Variants in ABCC9 observed in about 807,000 individuals in gnomAD.
ABCC9 encodes ATP binding cassette subfamily C member 9.
A neutral mutation model predicts 188.3 loss-of-function variants in ABCC9; 95 were observed. The observed-to-expected ratio is 0.50, with a 90% CI of 0.43 to 0.60. The LOEUF is 0.60. Among genes scored for constraint, ABCC9 ranks in the 20% least tolerant of loss-of-function variants. The probability of loss-of-function intolerance (pLI) is 0.00; values close to 1 mark genes in which losing one functional copy is unlikely to be tolerated. For missense variants in ABCC9, 1,102 were observed against 1,876.3 expected (o/e 0.59, Z 7.62); for synonymous variants, 659 against 652.7 (o/e 1.01, Z -0.15).
At chr12:21,815,292 T>C (rs2137170045) in intron 34 of ABCC9, among the ~76,000 whole-genome samples, 1 of 151,900 alleles carries the variant, frequency 6.6e-6, no homozygotes, top group African/African-American at 2.4e-5. Flanking sequence ...CATGGTTTTT[T>C]TTTTTTTTTG....
chr12:21,875,647 C>T lies in ABCC9; in HGVS notation c.2092+7G>A, dbSNP rs1946303525. On this transcript the variant is annotated splice_region_variant and intron_variant, in intron 17 of 39. Coordinates refer to ENST00000261200, the MANE Select transcript of ABCC9 (RefSeq NM_020297.4). ...AATTACAAAAATGCATAACAGATAA[C>T]TCTTACCTGTTGGAATTCGAATATC... is the stretch of plus-strand genomic sequence containing the variant. The T allele has an allele frequency of 1.3e-6, 2 of 1,592,034 alleles. No individual in the cohort carries two copies. Among genetic ancestry groups the T allele is most frequent in the African/African-American group, 1.3e-5 (1 of 74,466 alleles).
Position 21,797,848 on chromosome 12 carries a change from C to T in ABCC9, c.*3196G>A, listed in dbSNP as rs760914059. On this transcript the variant is annotated 3_prime_UTR_variant, in exon 40 of 40. Transcript: ENST00000261200. ...ATAATGCTTTATGCATTTATTGCTT[C>T]TTATGAGATTAAGGAGTTATGATTT... The T allele has an allele frequency of 1.3e-5, 2 of 151,956 alleles. No individual in the cohort carries two copies. Among genetic ancestry groups the T allele is most frequent in the African/African-American group, 4.8e-5 (2 of 41,372 alleles). The allele number at this position is 151,956 out of a possible 1,614,324, so 9.4% of individuals were successfully genotyped here. A position where few individuals can be genotyped will look rare whatever the true frequency, so the allele number is the denominator to read the frequency against.
chr12:21,895,128 T>G (rs972613289), intron 13 of ABCC9, 147 bp downstream of exon 13: 5 of 693,002 alleles, frequency 7.2e-6, no homozygotes, highest in East Asian at 2.8e-5. Flanking sequence ...TGAGAAACCC[T>G]GGATTAGAAC....
At chr12:21,895,347 T>C (rs761844309) in intron 12 of ABCC9, 32 bp from the exon 13 acceptor site, 7 of 1,589,358 alleles carry the variant, frequency 4.4e-6, no homozygotes, top group South Asian at 3.3e-5. Flanking sequence ...ATTAGTTTCA[T>C]TGAACTGTGA....
chr12:21,893,507 C>A (rs1352442633), intron 14 of ABCC9, among the ~76,000 whole-genome samples: 1 of 152,092 alleles, frequency 6.6e-6, no homozygotes, highest in South Asian at 2.1e-4. Context: ...TTTGACCTAC[C>A]ACCACTTCAG....
chr12:21,827,393 G>T, intron 31 of ABCC9: 1 of 822,886 alleles, frequency 1.2e-6, no homozygotes, highest in Non-Finnish European at 1.5e-6. Flanking sequence ...AGACATACTT[G>T]ATCTTCAAGT....
In ABCC9 at chr12:21,915,665, C is replaced by A; in HGVS notation, c.816+3G>T. 1 of 1,611,854 alleles carries A rather than the reference C, an allele frequency of 6.2e-7. No homozygotes were observed. Among genetic ancestry groups the A allele is most frequent in the South Asian group, 1.1e-5 (1 of 90,948 alleles). On this transcript the variant is annotated splice_donor_region_variant and intron_variant, in intron 7 of 39. Transcript: ENST00000261200. ...AGCACATGGAAGACAGACGCTAAATCACCTTTTGTTCTTCATATGCATCTT... is the reference window on the plus strand; with the variant it reads ...AGCACATGGAAGACAGACGCTAAATAACCTTTTGTTCTTCATATGCATCTT...
chr12:21,887,787 C>G, intron 15 of ABCC9, 39 bp downstream of exon 15: 2 of 1,254,764 alleles, frequency 1.6e-6, no homozygotes, highest in Non-Finnish European at 1.2e-6. Flanking sequence ...TGAGACTGTC[C>G]TCTATTCACA....
At chr12:21,807,008 C>T (rs1042546535) in intron 38 of ABCC9, among the ~76,000 whole-genome samples, 2 of 152,102 alleles carry the variant, frequency 1.3e-5, no homozygotes, top group East Asian at 1.9e-4. Flanking sequence ...CAGAGATTTT[C>T]GTACTGCATT....
intron 18 of ABCC9, among the ~76,000 whole-genome samples, chr12:21,871,311 C>G (rs191750672): frequency 3.3e-5 from 5 of 152,276 alleles, no homozygotes; most frequent in Admixed American, 3.3e-4. Flanking sequence ...ATGAAGCAAA[C>G]TGAGGTAGCA....
At chr12:21,912,800 A>C (rs1948382056) in intron 8 of ABCC9, 72 bp downstream of exon 8, 1 of 1,496,924 alleles carries the variant, frequency 6.7e-7, no homozygotes, top group African/African-American at 1.4e-5. Context: ...ATAAAACTGC[A>C]TTAATAAAAA....
At chr12:21,806,190 T>C (rs1941830324) in intron 38 of ABCC9, 130 bp from the exon 39 acceptor site, 1 of 819,328 alleles carries the variant, frequency 1.2e-6, no homozygotes, top group South Asian at 1.5e-5. Flanking sequence ...GTGGAAGTCA[T>C]AAGAAGGGGC....
intron 16 of ABCC9, among the ~76,000 whole-genome samples, chr12:21,880,065 G>A (rs1392690213): frequency 6.7e-6 from 1 of 150,128 alleles, no homozygotes; most frequent in East Asian, 2.0e-4. Context: ...CATGGGGCTA[G>A]GCAACTAGAT....
chr12:21,911,429 A>G (rs1032419939), intron 8 of ABCC9, among the ~76,000 whole-genome samples: 1 of 151,936 alleles, frequency 6.6e-6, no homozygotes, highest in African/African-American at 2.4e-5. Context: ...ATCTTAATTT[A>G]TGCTAATAAG....
intron 12 of ABCC9, among the ~76,000 whole-genome samples, chr12:21,899,704 C>A (rs1947620493): frequency 6.6e-6 from 1 of 152,196 alleles, no homozygotes; most frequent in African/African-American, 2.4e-5. Context: ...CATGGAGCCT[C>A]ACTTATTGCT....
chr12:21,882,878 A>G lies in ABCC9; in HGVS notation c.1912-5T>C, dbSNP rs1478113552. ...CCTGTTTATAGTTTTTGGCTGCTGC[A>G]TTCCAAATGGAAAAGAACACAAGTT... On this transcript the variant is annotated splice_polypyrimidine_tract_variant and splice_region_variant and intron_variant, in intron 15 of 39. Transcript: ENST00000261200. 1.9e-6 allele frequency: 3 copies of G among 1,608,420 alleles called. No individual in the cohort carries two copies. The highest frequency in any genetic ancestry group is 1.3e-5 in the African/African-American group (1 of 74,818).
Position 21,882,803 on chromosome 12 carries a change from C to G in ABCC9, c.1982G>C (p.Arg661Pro). ...HLDSYEQSTR[R>P]LRPAETEDIA... ...GTCCTCTGTTTCTGCGGGACGTAGA[C>G]GCCGTGTTGATTGCTCATAGCTGTC... Residue 661 changes from arginine (R) to proline (P), a missense_variant, in exon 16 of 40, where the codon CGT becomes CCT. Physicochemically the swap from Arg to Pro is moderately radical, Grantham distance 103 (BLOSUM62 -2). This residue lies in a region of ABCC9 where 258 missense variants were observed against 325.6 expected (regional missense o/e 0.79). Coordinates refer to ENST00000261200, the MANE Select transcript of ABCC9 (RefSeq NM_020297.4). 1 of 1,613,928 alleles carries G rather than the reference C, an allele frequency of 6.2e-7. No individual in the cohort carries two copies. Among genetic ancestry groups the G allele is most frequent in the East Asian group, 2.2e-5 (1 of 44,866 alleles).
chr12:21,824,020 G>A (rs1375824344), intron 31 of ABCC9, among the ~76,000 whole-genome samples: 1 of 152,172 alleles, frequency 6.6e-6, no homozygotes, highest in Non-Finnish European at 1.5e-5. Context: ...GGTGGGCAAG[G>A]CTAGATCTTC....
intron 24 of ABCC9, among the ~76,000 whole-genome samples, chr12:21,849,332 T>C (rs936112094): frequency 4.6e-5 from 7 of 152,160 alleles, no homozygotes; most frequent in African/African-American, 1.7e-4. Context: ...GTTGTACTAC[T>C]TCAGATTCTT....
Sources: gnomAD v4.1 joint callset for allele counts (sites outside exome capture counted in the v4.1 genomes callset) on GRCh38, gnomAD v4.1.1 for gene constraint, gnomAD v4.1.1 regional missense constraint, MANE v1.5 for transcripts, NCBI Gene and HGNC (gene_info 2026-07-23, HGNC 2026-07-21) for gene names.